HDAC9: variants seen among roughly 807,000 people sequenced by gnomAD.
The protein encoded by HDAC9 is MEF-2 interacting transcription repressor (MITR) protein.
A neutral mutation model predicts 139.4 loss-of-function variants in HDAC9; 41 were observed. The observed-to-expected ratio is 0.29, with a 90% CI of 0.23 to 0.38. HDAC9 has a LOEUF of 0.38. Among genes scored for constraint, HDAC9 ranks in the 10% least tolerant of loss-of-function variants. The probability of loss-of-function intolerance (pLI) is 1.00; values close to 1 mark genes in which losing one functional copy is unlikely to be tolerated. For missense variants in HDAC9, 1,147 were observed against 1,297.0 expected, an observed-to-expected ratio of 0.88 and a Z score of 1.78; for synonymous variants, 517 against 476.2, an observed-to-expected ratio of 1.09 and a Z score of -1.12.
At chr7:18,639,331 A>T (rs1784834431) in intron 8 of HDAC9, among the ~76,000 whole-genome samples, 1 of 152,082 alleles carries the variant, frequency 6.6e-6, no homozygotes, top group African/African-American at 2.4e-5. Context: ...ATTCAGGGAA[A>T]GGAGGTTGCT....
chr7:18,690,655 T>G (rs573954096), intron 12 of HDAC9, among the ~76,000 whole-genome samples: 2 of 152,126 alleles, frequency 1.3e-5, no homozygotes, highest in African/African-American at 2.4e-5. Flanking sequence ...TAAATGTGGC[T>G]ATAGTACACA....
chr7:18,171,027 T>C (rs1788390716), intron 2 of HDAC9, among the ~76,000 whole-genome samples: 1 of 152,222 alleles, frequency 6.6e-6, no homozygotes, highest in African/African-American at 2.4e-5. Flanking sequence ...GTGTATAAAT[T>C]ACCTTGGGCA....
chr7:18,977,394 A>G (rs1412760910), intron 25 of HDAC9, among the ~76,000 whole-genome samples: 1 of 152,204 alleles, frequency 6.6e-6, no homozygotes, highest in Non-Finnish European at 1.5e-5. Context: ...ATATAGAAAA[A>G]CGAAGCTAAA....
intron 22 of HDAC9, among the ~76,000 whole-genome samples, chr7:18,922,033 A>T (rs796083268): frequency 7.1e-6 from 1 of 140,906 alleles, no homozygotes; most frequent in Non-Finnish European, 1.5e-5. Context: ...CATAATGAGA[A>T]CACATGGACA....
chr7:18,832,221 T>A (rs909767014), intron 19 of HDAC9, among the ~76,000 whole-genome samples: 3 of 152,228 alleles, frequency 2.0e-5, no homozygotes, highest in African/African-American at 4.8e-5. Flanking sequence ...GTAATGTGAC[T>A]TTTATTTTGA....
intron 1 of HDAC9, among the ~76,000 whole-genome samples, chr7:18,446,814 G>T (rs1382608958): frequency 6.6e-6 from 1 of 152,000 alleles, no homozygotes; most frequent in Non-Finnish European, 1.5e-5. Context: ...TGTGTTAAAA[G>T]CTATAAATAC....
At position 18,666,461 on chromosome 7, in the gene HDAC9, T is replaced by A. The variant is rs368613432; in HGVS notation, c.1716T>A (p.Ala572=). Residue 572 remains alanine, a synonymous_variant, in exon 12 of 26, where the codon GCT becomes GCA. Coordinates refer to ENST00000686413, the MANE Select transcript of HDAC9 (RefSeq NM_178425.4). The stretch of plus-strand genomic sequence containing the variant: ...AGGAAATGGAATCTGGGGAGCAGGC[T>A]GCTTTTATGCAACAGGTAATAGGCA... ...QIQEMESGEQ[A]AFMQQPFLEP... The A allele has an allele frequency of 2.8e-5, 45 of 1,609,834 alleles. No individual in the cohort carries two copies. The Admixed American group carries it at 4.2e-4, about 15-fold the overall frequency.
chr7:18,819,810 T>C (rs1794830833), intron 17 of HDAC9, among the ~76,000 whole-genome samples: 1 of 152,234 alleles, frequency 6.6e-6, no homozygotes, highest in Non-Finnish European at 1.5e-5. Context: ...TGAGAAGAAA[T>C]GTTACAAATC....
At chr7:18,758,825 GCT>G (rs1313940868) in intron 14 of HDAC9, among the ~76,000 whole-genome samples, 1 of 150,064 alleles carries the variant, frequency 6.7e-6, no homozygotes, top group African/African-American at 2.5e-5. Context: ...AGTTTTCACT[GCT>G]CTCTTTCTGT....
chr7:18,611,543 G>A (rs1837148090), intron 6 of HDAC9, among the ~76,000 whole-genome samples: 1 of 152,004 alleles, frequency 6.6e-6, no homozygotes, highest in African/African-American at 2.4e-5. Context: ...ACTTTCCTAA[G>A]GTCTGATTTT....
At chr7:18,684,920 A>C (rs1782158545) in intron 12 of HDAC9, among the ~76,000 whole-genome samples, 1 of 152,006 alleles carries the variant, frequency 6.6e-6, no homozygotes, top group Admixed American at 6.6e-5. Flanking sequence ...GATTTTAAAC[A>C]TTTGAAATTT....
chr7:18,335,144 C>T (rs1172640755), intron 1 of HDAC9, among the ~76,000 whole-genome samples: 1 of 151,442 alleles, frequency 6.6e-6, no homozygotes, highest in East Asian at 1.9e-4. Context: ...TGTCAACTTA[C>T]TTCCCACCTG....
intron 2 of HDAC9, among the ~76,000 whole-genome samples, chr7:18,571,607 C>CT (rs1172644335): frequency 6.6e-6 from 1 of 151,776 alleles, no homozygotes; most frequent in Admixed American, 6.6e-5. Context: ...GGCTTTAAAA[C>CT]TTTATTTTAT....
chr7:18,618,240 A>T (rs1166405345), intron 6 of HDAC9, among the ~76,000 whole-genome samples: 3 of 152,144 alleles, frequency 2.0e-5, no homozygotes, highest in African/African-American at 7.2e-5. Context: ...AAGGTCAGGA[A>T]TGGCTGTTAT....
At chr7:18,259,358 G>A (rs1795493087) in intron 2 of HDAC9, among the ~76,000 whole-genome samples, 2 of 151,652 alleles carry the variant, frequency 1.3e-5, no homozygotes, top group Admixed American at 6.6e-5. Flanking sequence ...GATATATGAA[G>A]ACAAGCCTGT....
At chr7:18,555,238 A>G (rs1818435960) in intron 2 of HDAC9, among the ~76,000 whole-genome samples, 1 of 152,196 alleles carries the variant, frequency 6.6e-6, no homozygotes, top group Non-Finnish European at 1.5e-5. Context: ...AGTTCATGGT[A>G]TTTGATTCAT....
intron 1 of HDAC9, among the ~76,000 whole-genome samples, chr7:18,414,047 A>C (rs1788820140): frequency 6.6e-6 from 1 of 152,202 alleles, no homozygotes; most frequent in South Asian, 2.1e-4. Flanking sequence ...GAGGGAAGAA[A>C]TTATAAGTAA....
intron 22 of HDAC9, among the ~76,000 whole-genome samples, chr7:18,934,540 G>C (rs1296481897): frequency 6.6e-6 from 1 of 152,158 alleles, no homozygotes; most frequent in Non-Finnish European, 1.5e-5. Flanking sequence ...AAGTCTATCT[G>C]TGTAAAGAAA....
chr7:18,653,785 T>G (rs1232468115), intron 11 of HDAC9, among the ~76,000 whole-genome samples: 1 of 152,168 alleles, frequency 6.6e-6, no homozygotes, highest in East Asian at 1.9e-4. Context: ...TTTCATTAGC[T>G]TTTGGAAGAG....
Sources: allele counts gnomAD v4.1 joint callset (sites outside exome capture counted in the v4.1 genomes callset), GRCh38; gene constraint gnomAD v4.1.1; transcripts MANE v1.5; gene names NCBI Gene and HGNC (gene_info 2026-07-23, HGNC 2026-07-21).